TAMM41: variants seen among roughly 807,000 people sequenced by gnomAD.
TAMM41 encodes TAM41 mitochondrial translocator assembly and maintenance homolog, also known as phosphatidate cytidylyltransferase, mitochondrial.
A neutral mutation model predicts 44.1 loss-of-function variants in TAMM41; 36 were observed. The observed-to-expected ratio is 0.82, with a 90% CI of 0.63 to 1.08. The LOEUF is 1.08. TAMM41 is among the 50% of genes least tolerant of loss of function. The pLI, the probability that TAMM41 is intolerant of heterozygous loss-of-function variation, is 0.00. For synonymous variants in TAMM41, 164 were observed against 153.1 expected (o/e 1.07, Z -0.53); for missense variants, 417 against 404.3 (o/e 1.03, Z -0.27).
intron 7 of TAMM41, among the ~76,000 whole-genome samples, chr3:11,793,059 CAAAAAAAAAA>C (rs61264653): frequency 1.4e-3 from 92 of 65,134 alleles, no homozygotes; most frequent in African/African-American, 5.8e-3. Context: ...GGCCCCATCT[CAAAAAAAAAA>C]AAAAAAAAAA....
At chr3:11,809,185 C>A in intron 6 of TAMM41, 1 of 337,520 alleles carries the variant, frequency 3.0e-6, no homozygotes, top group Non-Finnish European at 5.4e-6. Flanking sequence ...AAAATGCCAC[C>A]AATCTCTTTT....
At chr3:11,772,985 C>A in the TAMM41 span, among the ~76,000 whole-genome samples, 1 of 152,138 alleles carries the variant, frequency 6.6e-6, no homozygotes, top group Non-Finnish European at 1.5e-5. Context: ...GGAATGGAGT[C>A]TAGCTCTGTT....
At chr3:11,800,466 A>G (rs1008956185) in intron 7 of TAMM41, among the ~76,000 whole-genome samples, 1 of 152,120 alleles carries the variant, frequency 6.6e-6, no homozygotes. Context: ...AAAGGGGTGG[A>G]AAAAGATATT....
At chr3:11,723,515 A>C in the TAMM41 span, among the ~76,000 whole-genome samples, 3 of 150,580 alleles carry the variant, frequency 2.0e-5, no homozygotes, top group Non-Finnish European at 4.4e-5. Flanking sequence ...CAGGAAGTTG[A>C]GGCTACAGTG....
the TAMM41 span, among the ~76,000 whole-genome samples, chr3:11,731,361 G>T: frequency 6.6e-6 from 1 of 152,056 alleles, no homozygotes; most frequent in Non-Finnish European, 1.5e-5. Flanking sequence ...AGGGCATAGT[G>T]GCATGTCCCT....
At chr3:11,804,152 C>G (rs142306275) in intron 7 of TAMM41, among the ~76,000 whole-genome samples, 2 of 152,300 alleles carry the variant, frequency 1.3e-5, no homozygotes, top group African/African-American at 4.8e-5. Context: ...GCCACAAGGA[C>G]AGCTGAGCTG....
intron 3 of TAMM41, among the ~76,000 whole-genome samples, chr3:11,831,398 C>A (rs919796132): frequency 1.3e-5 from 2 of 152,156 alleles, no homozygotes; most frequent in Non-Finnish European, 2.9e-5. Flanking sequence ...TACACTCGTA[C>A]CATGATCTTT....
the TAMM41 span, among the ~76,000 whole-genome samples, chr3:11,727,052 T>C: frequency 6.6e-6 from 1 of 152,188 alleles, no homozygotes; most frequent in African/African-American, 2.4e-5. Context: ...TAACTAATGT[T>C]TGAGGAGCAC....
At chr3:11,772,526 C>T in the TAMM41 span, among the ~76,000 whole-genome samples, 2 of 152,186 alleles carry the variant, frequency 1.3e-5, no homozygotes, top group South Asian at 4.2e-4. Context: ...GACGTGATTT[C>T]ATTCTTTTTT....
At chr3:11,725,772 G>T in the TAMM41 span, among the ~76,000 whole-genome samples, 3 of 152,092 alleles carry the variant, frequency 2.0e-5, no homozygotes, top group African/African-American at 7.2e-5. Flanking sequence ...CCATAGAAAT[G>T]ATTGCCGGCT....
At chr3:11,801,734 G>A (rs1330511399) in intron 7 of TAMM41, among the ~76,000 whole-genome samples, 1 of 152,064 alleles carries the variant, frequency 6.6e-6, no homozygotes, top group Non-Finnish European at 1.5e-5. Flanking sequence ...AGCATTACAT[G>A]TCTACATAAA....
the TAMM41 span, chr3:11,725,069 C>CT: frequency 5.2e-5 from 8 of 154,024 alleles, no homozygotes; most frequent in African/African-American, 1.9e-4. Context: ...TCCTCTTCCT[C>CT]TTTTTCCTCT....
At chr3:11,782,352 C>A in the TAMM41 span, among the ~76,000 whole-genome samples, 1 of 152,012 alleles carries the variant, frequency 6.6e-6, no homozygotes, top group East Asian at 1.9e-4. Context: ...TCAAGACCAG[C>A]CTAGGCAACA....
At position 11,839,217 on chromosome 3, in the gene TAMM41, C is replaced by T; in HGVS notation, c.411+5G>A. The T allele has an allele frequency of 6.2e-7, 1 of 1,605,226 alleles. No individual in the cohort carries two copies. The highest frequency in any genetic ancestry group is 1.1e-5 in the South Asian group (1 of 90,418). ...CCTTAACTGTGCAGCCTATAAAACA[C>T]TCACCGGTTTTTGGAGTCGTCCAGC... On this transcript the variant is annotated splice_donor_5th_base_variant and intron_variant, in intron 3 of 7. Coordinates refer to ENST00000455809, the MANE Select transcript of TAMM41 (RefSeq NM_001284401.2).
At chr3:11,765,280 G>C in the TAMM41 span, among the ~76,000 whole-genome samples, 2 of 152,004 alleles carry the variant, frequency 1.3e-5, no homozygotes, top group Non-Finnish European at 2.9e-5. Flanking sequence ...ACCCGTCACC[G>C]CCATCCTCGG....
the TAMM41 span, among the ~76,000 whole-genome samples, chr3:11,739,314 C>T: frequency 6.6e-6 from 1 of 152,172 alleles, no homozygotes; most frequent in Non-Finnish European, 1.5e-5. Context: ...ATCCACTCTC[C>T]CCTTGCCCTA....
In TAMM41 at chr3:11,833,203, T is replaced by C. The variant is rs992857311; in HGVS notation, c.412-3339A>G. ...TTGTGAATAGCTGTTTGTATCTTAC[T>C]GGGAATGCCCCGACCTGAACTGCAT... On this transcript the variant is annotated intron_variant, in intron 3 of 7. Transcript: ENST00000455809. 4.0e-6 allele frequency: 5 copies of C among 1,259,864 alleles called. No individual in the cohort carries two copies. The African/African-American group carries it at 4.6e-5, about 12-fold the overall frequency. 78.0% of individuals were successfully genotyped at this position (1,259,864 alleles called of 1,614,324 possible). A position where few individuals can be genotyped will look rare whatever the true frequency, so the allele number is the denominator to read the frequency against.
At chr3:11,777,265 A>G in the TAMM41 span, among the ~76,000 whole-genome samples, 1 of 152,178 alleles carries the variant, frequency 6.6e-6, no homozygotes, top group Non-Finnish European at 1.5e-5. Flanking sequence ...TTTTTTGTCA[A>G]CTATACTTCA....
At chr3:11,802,208 A>G (rs1179728600) in intron 7 of TAMM41, among the ~76,000 whole-genome samples, 1 of 152,234 alleles carries the variant, frequency 6.6e-6, no homozygotes, top group Non-Finnish European at 1.5e-5. Flanking sequence ...TGATAGAGCC[A>G]GACCCTGACT....
Sources: gnomAD v4.1 joint callset for allele counts (sites outside exome capture counted in the v4.1 genomes callset) on GRCh38, gnomAD v4.1.1 for gene constraint, MANE v1.5 for transcripts, NCBI Gene and HGNC (gene_info 2026-07-23, HGNC 2026-07-21) for gene names.